The following PCDHA2 variants were observed in gnomAD, a reference collection of about 807,000 sequenced individuals.
PCDHA2 encodes protocadherin alpha 2, also known as protocadherin alpha-2.
A neutral mutation model predicts 66.0 loss-of-function variants in PCDHA2; 58 were observed. The observed-to-expected ratio is 0.88, with a 90% confidence interval of 0.71 to 1.09. The LOEUF is 1.09. PCDHA2 is among the 50% of genes least tolerant of loss of function. PCDHA2 has a pLI of 0.00. For missense variants in PCDHA2, 1,267 were observed against 1,242.3 expected (o/e 1.02, Z -0.30); for synonymous variants, 634 against 554.0 (o/e 1.14, Z -2.03).
At chr5:140,966,860 TTGC>T (rs148181752) in intron 1 of PCDHA2, 30 of 1,577,282 alleles carry the variant, frequency 1.9e-5, no homozygotes, top group Middle Eastern at 1.7e-4. Context: ...CCTGCTGCTG[TTGC>T]TGCTGCTGCT....
Position 140,858,184 on chromosome 5 carries a change from G to T in PCDHA2, c.2388+60832G>T, listed in dbSNP as rs782618700. The T allele has an allele frequency of 3.1e-6, 5 of 1,597,468 alleles. 1 individual carries two copies. In the South Asian group the frequency reaches 4.4e-5, roughly 14 times the overall value. Reference sequence around the variant, plus strand: ...CGGTGTCCAGCTTGCTGGTGCTCACGCTGCTGCTGTACACTGCACTGAGGT... The same window carrying T: ...CGGTGTCCAGCTTGCTGGTGCTCACTCTGCTGCTGTACACTGCACTGAGGT... On this transcript the variant is annotated intron_variant, in intron 1 of 3. Transcript: ENST00000526136.
Position 140,794,969 on chromosome 5 carries a change from C to A in PCDHA2, c.5C>A (p.Ala2Glu). ...TCAAAACATTGAGGATTGGTAATGG[C>A]GTCTTCTATCAGAAGGGGCCGAGGG... The part of the protein sequence containing the change: M[A>E]SSIRRGRGAW... Residue 2 changes from alanine (A) to glutamate (E), a missense_variant, in exon 1 of 4, where the codon GCG becomes GAG. Ala to Glu is a moderately radical substitution (Grantham distance 107). Transcript: ENST00000526136. 6.2e-7 allele frequency: 1 copy of A among 1,607,304 alleles called. No homozygotes were observed. Among genetic ancestry groups the A allele is most frequent in the Non-Finnish European group, 8.5e-7 (1 of 1,177,140 alleles).
At chr5:140,935,981 C>T (rs1206046231) in intron 1 of PCDHA2, among the ~76,000 whole-genome samples, 2 of 151,096 alleles carry the variant, frequency 1.3e-5, no homozygotes, top group Non-Finnish European at 2.9e-5. Context: ...CAATCTCTGC[C>T]TCCCGGGTTC....
At chr5:140,840,009 T>C (rs1322278624) in intron 1 of PCDHA2, among the ~76,000 whole-genome samples, 2 of 152,046 alleles carry the variant, frequency 1.3e-5, no homozygotes, top group Admixed American at 6.5e-5. Context: ...ACTGAGAAGA[T>C]TGGCTCATGG....
chr5:140,845,503 C>A lies in PCDHA2; in HGVS notation c.2388+48151C>A, dbSNP rs1485886785. On this transcript the variant is annotated intron_variant, in intron 1 of 3. Transcript: ENST00000526136. ...TGCTTTCACAGTGAGAAAGTCTAAA[C>A]CTATTTCTTGTACATTAATACTTTT... Among the ~76,000 whole-genome samples the A allele has an allele frequency of 3.3e-5, 5 of 149,694 alleles. No homozygotes were observed. In the South Asian group the frequency reaches 8.5e-4, roughly 25 times the overall value.
intron 3 of PCDHA2, among the ~76,000 whole-genome samples, chr5:141,006,294 C>T (rs2098266534): frequency 6.6e-6 from 1 of 152,048 alleles, no homozygotes; most frequent in African/African-American, 2.4e-5. Flanking sequence ...TCACTGCAAG[C>T]TCCACTTCCC....
In PCDHA2 at chr5:140,795,312, T is replaced by C. The variant is rs1249053122; in HGVS notation, c.348T>C (p.Val116=). ...TGATCGTGGACAGGCCGCTGCAGGT[T>C]TTCCATGTGGAAGTGGAGGTGAAGG... ...VEVIVDRPLQ[V]FHVEVEVKDI... The change falls in exon 1 of 4, where the codon GTT becomes GTC. Residue 116 remains valine, a synonymous_variant. Coordinates refer to ENST00000526136, the MANE Select transcript of PCDHA2 (RefSeq NM_018905.3). The C allele has an allele frequency of 6.2e-7, 1 of 1,614,096 alleles. No individual in the cohort carries two copies. Among genetic ancestry groups the C allele is most frequent in the African/African-American group, 1.3e-5 (1 of 74,926 alleles).
chr5:140,815,581 T>G (rs1274271500), intron 1 of PCDHA2: 1 of 152,156 alleles, frequency 6.6e-6, no homozygotes, highest in Admixed American at 6.5e-5. Flanking sequence ...TTAATCAGAT[T>G]TTAAAATATC....
chr5:140,795,258 G>A lies in PCDHA2; in HGVS notation c.294G>A (p.Arg98=), dbSNP rs539711340. Residue 98 remains arginine, a synonymous_variant, in exon 1 of 4, where the codon CGG becomes CGA. Coordinates refer to ENST00000526136, the MANE Select transcript of PCDHA2 (RefSeq NM_018905.3). ...TCGACCGGGAGGAGCTGTGCGGGCG[G>A]AGCGCGGAATGTAGCATCCACGTGG... ...SRIDREELCG[R]SAECSIHVEV... The A allele has an allele frequency of 6.2e-7, 1 of 1,614,272 alleles. No homozygotes were observed. The highest frequency in any genetic ancestry group is 2.2e-5 in the East Asian group (1 of 44,890).
At chr5:140,816,206 C>T (rs1368451854) in intron 1 of PCDHA2, 8 of 152,138 alleles carry the variant, frequency 5.3e-5, no homozygotes, top group Admixed American at 3.3e-4. Flanking sequence ...ATTTCTTGCT[C>T]TTTTTGCTAC....
rs546348432 is a variant in PCDHA2, at chr5:141,012,203, T to G, written c.*2266T>G. ...TTATAATGTATCTGTACAGCACTTTTTACATTTGCGAAGTGCTTTCCAATC... is the reference window on the plus strand; with the variant it reads ...TTATAATGTATCTGTACAGCACTTTGTACATTTGCGAAGTGCTTTCCAATC... On this transcript the variant is annotated 3_prime_UTR_variant, in exon 4 of 4. Transcript: ENST00000526136. 2.0e-5 allele frequency: 3 copies of G among 153,792 alleles called. No individual in the cohort carries two copies. The highest frequency in any genetic ancestry group is 4.4e-5 in the Non-Finnish European group (3 of 68,050). The allele number at this position is 153,792 out of a possible 1,614,324, so 9.5% of individuals were successfully genotyped here.
In PCDHA2 at chr5:140,892,541, T is replaced by G. The variant is rs192378744; in HGVS notation, c.2389-86408T>G. Among the ~76,000 whole-genome samples, 3 of 152,250 alleles carry G rather than the reference T, an allele frequency of 2.0e-5. 1 individual carries two copies. The highest frequency in any genetic ancestry group is 7.2e-5 in the African/African-American group (3 of 41,464). ...CTGGTAGACTCAGGATTCTGACTTT[T>G]GTTTCTCTAGTCCTTGGAGACTGTC... On this transcript the variant is annotated intron_variant, in intron 1 of 3. Transcript: ENST00000526136.
intron 1 of PCDHA2, among the ~76,000 whole-genome samples, chr5:140,881,010 T>A (rs782629592): frequency 1.3e-5 from 2 of 152,198 alleles, no homozygotes; most frequent in Admixed American, 1.3e-4. Context: ...AGCAGAGCTA[T>A]GGAAATAAAC....
At chr5:140,820,841 T>C (rs11167609) in intron 1 of PCDHA2, among the ~76,000 whole-genome samples, 1 of 151,748 alleles carries the variant, frequency 6.6e-6, no homozygotes, top group Non-Finnish European at 1.5e-5. Flanking sequence ...TAATAGCAAC[T>C]TGAAGAAATG....
chr5:140,903,721 C>T (rs2070530222), intron 1 of PCDHA2, among the ~76,000 whole-genome samples: 1 of 152,152 alleles, frequency 6.6e-6, no homozygotes, highest in African/African-American at 2.4e-5. Flanking sequence ...ACAATTCTCC[C>T]TATTATCAAT....
At chr5:140,873,653 C>A (rs2054406845) in intron 1 of PCDHA2, among the ~76,000 whole-genome samples, 1 of 152,104 alleles carries the variant, frequency 6.6e-6, no homozygotes, top group Non-Finnish European at 1.5e-5. Context: ...AACTACATAA[C>A]ACACTATTAT....
intron 1 of PCDHA2, among the ~76,000 whole-genome samples, chr5:140,893,506 A>AT (rs1270469461): frequency 6.6e-6 from 1 of 152,170 alleles, no homozygotes; most frequent in African/African-American, 2.4e-5. Context: ...AGAAAAAAAA[A>AT]GCAGTTGTAG....
chr5:140,980,039 C>T (rs2096874436), intron 2 of PCDHA2, among the ~76,000 whole-genome samples: 1 of 152,184 alleles, frequency 6.6e-6, no homozygotes, highest in South Asian at 2.1e-4. Context: ...ACATTGGGTG[C>T]TATTTCTGAT....
intron 1 of PCDHA2, chr5:140,854,783 A>C (rs1360368863): frequency 6.7e-6 from 1 of 149,694 alleles, no homozygotes; most frequent in East Asian, 1.9e-4. Flanking sequence ...GATTTCAAGA[A>C]CTTTGAGAGA....
Sources: gnomAD v4.1 joint callset for allele counts (sites outside exome capture counted in the v4.1 genomes callset) on GRCh38, gnomAD v4.1.1 for gene constraint, MANE v1.5 for transcripts, NCBI Gene and HGNC (gene_info 2026-07-23, HGNC 2026-07-21) for gene names.